Variants in RALYL observed in about 807,000 individuals in gnomAD.
The protein encoded by RALYL is RNA-binding Raly-like protein.
RALYL carries 29 observed loss-of-function variants against 35.1 expected under a neutral mutation model. The observed-to-expected ratio is 0.83, with a 90% CI of 0.61 to 1.13. RALYL has a LOEUF of 1.13. RALYL is among the 50% of genes most tolerant of loss of function. The pLI is 0.00. For synonymous variants in RALYL, 120 were observed against 127.6 expected (o/e 0.94, Z 0.40); for missense variants, 359 against 360.4 (o/e 1.00, Z 0.03).
At chr8:84,782,360 CA>C (rs1818389872) in intron 3 of RALYL, among the ~76,000 whole-genome samples, 1 of 152,200 alleles carries the variant, frequency 6.6e-6, no homozygotes, top group Admixed American at 6.5e-5. Context: ...GAACCTGTAA[CA>C]GTGACCACTT....
At chr8:84,486,908 G>C (rs2054690324) in intron 1 of RALYL, among the ~76,000 whole-genome samples, 1 of 152,054 alleles carries the variant, frequency 6.6e-6, no homozygotes, top group African/African-American at 2.4e-5. Flanking sequence ...ATGTTGTACA[G>C]TAGATCTCTA....
chr8:84,653,462 G>A (rs1383763467), intron 2 of RALYL, among the ~76,000 whole-genome samples: 1 of 151,888 alleles, frequency 6.6e-6, no homozygotes, highest in Admixed American at 6.6e-5. Context: ...TAGCTTCCTT[G>A]CTTTCCTGAA....
intron 4 of RALYL, among the ~76,000 whole-genome samples, chr8:84,841,798 C>G (rs1265356799): frequency 6.6e-6 from 1 of 152,186 alleles, no homozygotes; most frequent in African/African-American, 2.4e-5. Context: ...CAAACTAGAA[C>G]TCAGGATTAA....
intron 1 of RALYL, among the ~76,000 whole-genome samples, chr8:84,369,244 A>G (rs1193195182): frequency 6.6e-6 from 1 of 152,150 alleles, no homozygotes; most frequent in Admixed American, 6.6e-5. Context: ...CTTGAAATCC[A>G]ATAAATTCTT....
intron 1 of RALYL, among the ~76,000 whole-genome samples, chr8:84,252,230 A>G (rs1011402835): frequency 4.6e-5 from 7 of 152,126 alleles, no homozygotes; most frequent in African/African-American, 1.7e-4. Context: ...GTCTACCAAC[A>G]CTTAATAAAC....
At chr8:84,879,956 A>G (rs552992181) in intron 7 of RALYL, among the ~76,000 whole-genome samples, 3 of 152,096 alleles carry the variant, frequency 2.0e-5, no homozygotes, top group Non-Finnish European at 4.4e-5. Context: ...CTCTGCAAAA[A>G]TAAAAGGCAG....
chr8:84,811,608 T>A (rs1032925412), intron 4 of RALYL, among the ~76,000 whole-genome samples: 25 of 152,216 alleles, frequency 1.6e-4, no homozygotes, highest in African/African-American at 7.2e-5. Flanking sequence ...CCCAAATATG[T>A]TTTCCATACT....
At chr8:84,590,739 C>T (rs1439385194) in intron 2 of RALYL, among the ~76,000 whole-genome samples, 1 of 152,116 alleles carries the variant, frequency 6.6e-6, no homozygotes, top group East Asian at 1.9e-4. Flanking sequence ...TGGATACTGC[C>T]AAGCAATAAC....
At chr8:84,346,092 A>G (rs2130975452) in intron 1 of RALYL, 1 of 984,104 alleles carries the variant, frequency 1.0e-6, no homozygotes, top group South Asian at 4.7e-5. Context: ...CACATGAGCA[A>G]TTGCTCTATT....
intron 1 of RALYL, among the ~76,000 whole-genome samples, chr8:84,417,038 T>C (rs2044790357): frequency 6.6e-6 from 1 of 151,846 alleles, no homozygotes; most frequent in African/African-American, 2.4e-5. Context: ...TAACCAATAT[T>C]ATGGAATGTC....
chr8:84,323,368 TAAC>T (rs1487806608), intron 1 of RALYL, among the ~76,000 whole-genome samples: 2 of 152,072 alleles, frequency 1.3e-5, no homozygotes, highest in South Asian at 4.1e-4. Context: ...GGTCTAAAGC[TAAC>T]AAGCTAGCTA....
chr8:84,223,081 GCCTTTCCTTT>G (rs767992068), intron 1 of RALYL, among the ~76,000 whole-genome samples: 1,692 of 52,352 alleles, frequency 0.032, 35 homozygotes, highest in Middle Eastern at 0.089. Context: ...CCTTTGCCCT[GCCTTTCCTTT>G]CCTTTCCTTT....
At chr8:84,204,737 A>G (rs1355588695) in intron 1 of RALYL, among the ~76,000 whole-genome samples, 4 of 152,204 alleles carry the variant, frequency 2.6e-5, no homozygotes, top group Admixed American at 6.5e-5. Flanking sequence ...CAATTTCATT[A>G]TAAAGCTTAT....
intron 2 of RALYL, among the ~76,000 whole-genome samples, chr8:84,545,571 A>G (rs1381545966): frequency 6.6e-6 from 1 of 152,196 alleles, no homozygotes; most frequent in East Asian, 1.9e-4. Context: ...CCATTTGTCC[A>G]GATCTACTTT....
chr8:84,526,599 A>G (rs1047113416), intron 1 of RALYL, among the ~76,000 whole-genome samples: 1 of 152,192 alleles, frequency 6.6e-6, no homozygotes, highest in African/African-American at 2.4e-5. Flanking sequence ...AGAAATCAGC[A>G]TAGGTTCAAA....
At chr8:84,336,467 T>C in intron 1 of RALYL, among the ~76,000 whole-genome samples, 1 of 152,146 alleles carries the variant, frequency 6.6e-6, no homozygotes, top group Admixed American at 6.6e-5. Flanking sequence ...ATAACTTTAT[T>C]GGAAGGATAG....
intron 2 of RALYL, among the ~76,000 whole-genome samples, chr8:84,626,377 T>A (rs1230819169): frequency 6.6e-6 from 1 of 152,198 alleles, no homozygotes; most frequent in African/African-American, 2.4e-5. Context: ...CCTCTCATTC[T>A]CCACTTCTGT....
At chr8:84,290,392 G>A (rs1441963670) in intron 1 of RALYL, among the ~76,000 whole-genome samples, 6 of 152,012 alleles carry the variant, frequency 3.9e-5, no homozygotes, top group South Asian at 2.1e-4. Flanking sequence ...GGCTGAGTCC[G>A]AAAATAGAGT....
chr8:84,664,656 G>C (rs1831612845), intron 2 of RALYL, among the ~76,000 whole-genome samples: 1 of 152,034 alleles, frequency 6.6e-6, no homozygotes, highest in East Asian at 1.9e-4. Flanking sequence ...CTGGATGCTA[G>C]TGATTTTTGA....
Sources: allele counts gnomAD v4.1 joint callset (sites outside exome capture counted in the v4.1 genomes callset), GRCh38; gene constraint gnomAD v4.1.1; transcripts MANE v1.5; gene names NCBI Gene and HGNC (gene_info 2026-07-23, HGNC 2026-07-21).